Variants in CPA6 observed in about 807,000 individuals in gnomAD.
CPA6 encodes carboxypeptidase B.
CPA6 carries 58 observed loss-of-function variants against 63.3 expected under a neutral mutation model. The observed-to-expected ratio is 0.92, with a 90% CI of 0.74 to 1.14. The LOEUF is 1.14. CPA6 is among the 50% of genes most tolerant of loss of function. The pLI is 0.00. For synonymous variants in CPA6, 185 were observed against 179.0 expected, an observed-to-expected ratio of 1.03 and a Z score of -0.27; for missense variants, 565 against 526.6, an observed-to-expected ratio of 1.07 and a Z score of -0.71.
intron 6 of CPA6, among the ~76,000 whole-genome samples, chr8:67,485,698 T>G (rs1262386992): frequency 6.6e-6 from 1 of 152,190 alleles, no homozygotes; most frequent in East Asian, 1.9e-4. Context: ...ATATGAGAAT[T>G]TGTTTATAAC....
rs1269692569 is a variant in CPA6, at chr8:67,734,228, G to A, written c.116+11786C>T. On this transcript the variant is annotated intron_variant, in intron 1 of 10. Coordinates refer to ENST00000297770, the MANE Select transcript of CPA6 (RefSeq NM_020361.5). ...CTCTTATATAAAAGGTGTGGTGTCA[G>A]GCATTGGGGGGAGCAAACAGAGGGT... is the stretch of plus-strand genomic sequence containing the variant. 3.3e-5 allele frequency among the ~76,000 whole-genome samples: 5 copies of A among 151,820 alleles called. No individual in the cohort carries two copies. The East Asian group carries it at 9.7e-4, about 29-fold the overall frequency.
chr8:67,537,019 C>T (rs551946911), intron 2 of CPA6, among the ~76,000 whole-genome samples: 41 of 152,254 alleles, frequency 2.7e-4, no homozygotes, highest in African/African-American at 9.6e-4. Flanking sequence ...GTATGTTAAA[C>T]CAGACTTGCA....
intron 1 of CPA6, among the ~76,000 whole-genome samples, chr8:67,679,769 C>T (rs1816554179): frequency 6.6e-6 from 1 of 152,164 alleles, no homozygotes; most frequent in Non-Finnish European, 1.5e-5. Flanking sequence ...GTGGAAATGC[C>T]TGTCTGCTAT....
chr8:67,710,069 C>T (rs371674088), intron 1 of CPA6, among the ~76,000 whole-genome samples: 8 of 151,374 alleles, frequency 5.3e-5, no homozygotes, highest in Non-Finnish European at 7.4e-5. Flanking sequence ...GCTGAGATCG[C>T]GCCACTGCAC....
At chr8:67,713,121 A>G (rs535365377) in intron 1 of CPA6, among the ~76,000 whole-genome samples, 6,177 of 130,010 alleles carry the variant, frequency 0.048, 425 homozygotes, top group Non-Finnish European at 0.051. Context: ...ATATATATAT[A>G]TATATATATA....
At chr8:67,716,907 A>G (rs1817394062) in intron 1 of CPA6, among the ~76,000 whole-genome samples, 1 of 152,222 alleles carries the variant, frequency 6.6e-6, no homozygotes, top group East Asian at 1.9e-4. Context: ...TGAGAAAATG[A>G]ATAATGATAT....
At chr8:67,514,744 G>C (rs1240215132) in intron 3 of CPA6, among the ~76,000 whole-genome samples, 2 of 152,128 alleles carry the variant, frequency 1.3e-5, no homozygotes, top group African/African-American at 4.8e-5. Flanking sequence ...CTTTTCTACT[G>C]AATAGTAATT....
At chr8:67,691,017 G>A (rs1021039773) in intron 1 of CPA6, among the ~76,000 whole-genome samples, 12 of 152,048 alleles carry the variant, frequency 7.9e-5, no homozygotes, top group African/African-American at 4.8e-5. Flanking sequence ...ATTCCCTGAC[G>A]GAAAACTTTC....
At chr8:67,618,979 T>C (rs1374597534) in intron 2 of CPA6, among the ~76,000 whole-genome samples, 3 of 152,210 alleles carry the variant, frequency 2.0e-5, no homozygotes, top group South Asian at 2.1e-4. Context: ...TTTAACTTTC[T>C]TGTTTTAATT....
At chr8:67,496,770 A>G (rs1811728510) in intron 6 of CPA6, among the ~76,000 whole-genome samples, 1 of 151,748 alleles carries the variant, frequency 6.6e-6, no homozygotes, top group Non-Finnish European at 1.5e-5. Flanking sequence ...CATGTTGGCC[A>G]GGTTGGTCTT....
chr8:67,731,453 A>G (rs995909737), intron 1 of CPA6, among the ~76,000 whole-genome samples: 1 of 152,218 alleles, frequency 6.6e-6, no homozygotes, highest in South Asian at 2.1e-4. Context: ...ACAGGGACCA[A>G]CTGATTTCAC....
chr8:67,479,965 G>A (rs1357233753), intron 8 of CPA6, among the ~76,000 whole-genome samples: 2 of 151,568 alleles, frequency 1.3e-5, no homozygotes, highest in South Asian at 2.1e-4. Flanking sequence ...ACAGCCCCCG[G>A]CTCCACTTTT....
intron 2 of CPA6, among the ~76,000 whole-genome samples, chr8:67,600,919 A>T (rs1241783102): frequency 6.6e-6 from 1 of 152,208 alleles, no homozygotes; most frequent in Non-Finnish European, 1.5e-5. Context: ...TATATAACTG[A>T]ATAAGGTCTA....
At chr8:67,670,298 T>C (rs528708919) in intron 1 of CPA6, among the ~76,000 whole-genome samples, 1 of 151,966 alleles carries the variant, frequency 6.6e-6, no homozygotes. Flanking sequence ...AGCAGGCAGG[T>C]CTTACCTGGC....
At chr8:67,451,459 A>G (rs1038784722) in intron 8 of CPA6, among the ~76,000 whole-genome samples, 1 of 152,186 alleles carries the variant, frequency 6.6e-6, no homozygotes, top group Non-Finnish European at 1.5e-5. Context: ...GTTTCAGGAA[A>G]CAAGCTCAGG....
At chr8:67,674,034 C>G (rs150977845) in intron 1 of CPA6, among the ~76,000 whole-genome samples, 14 of 152,220 alleles carry the variant, frequency 9.2e-5, no homozygotes, top group African/African-American at 3.1e-4. Flanking sequence ...TTATATGTAC[C>G]GTGTTACCAT....
rs184604656 is a variant in CPA6 at position 67,607,058 on chromosome 8, T to A, written c.192+17118A>T. 1.4e-3 allele frequency among the ~76,000 whole-genome samples: 208 copies of A among 152,008 alleles called. 1 individual carries two copies. The highest frequency in any genetic ancestry group is 2.5e-3 in the Non-Finnish European group (167 of 67,946). ...CACACTCTAAGTTCTTTCCTAGATGTAACTCTCAAATCTGTCTTCTTCTTC... is the reference window on the plus strand; with the variant it reads ...CACACTCTAAGTTCTTTCCTAGATGAAACTCTCAAATCTGTCTTCTTCTTC... On this transcript the variant is annotated intron_variant, in intron 2 of 10. Coordinates refer to ENST00000297770, the MANE Select transcript of CPA6 (RefSeq NM_020361.5).
At chr8:67,614,485 C>T (rs1458583929) in intron 2 of CPA6, among the ~76,000 whole-genome samples, 2 of 152,122 alleles carry the variant, frequency 1.3e-5, no homozygotes, top group Non-Finnish European at 2.9e-5. Flanking sequence ...GGTCTGGATG[C>T]CACAAGTAGC....
chr8:67,705,835 A>C (rs1817122501), intron 1 of CPA6, among the ~76,000 whole-genome samples: 1 of 152,216 alleles, frequency 6.6e-6, no homozygotes, highest in Admixed American at 6.5e-5. Context: ...TAACCTCCTT[A>C]TATGCTCCCC....
Sources: allele counts gnomAD v4.1 joint callset (sites outside exome capture counted in the v4.1 genomes callset), GRCh38; gene constraint gnomAD v4.1.1; transcripts MANE v1.5; gene names NCBI Gene and HGNC (gene_info 2026-07-23, HGNC 2026-07-21).